The following NRXN1 variants were observed in gnomAD, a reference collection of about 807,000 sequenced individuals.
NRXN1 encodes neurexin 1.
Under a neutral mutation model 150.9 loss-of-function variants are expected in NRXN1, and 39 were observed. The ratio of observed to expected loss-of-function variants is 0.26; its 90% CI spans 0.20 to 0.34. The LOEUF is 0.34. NRXN1 is among the 10% of genes least tolerant of loss of function. NRXN1 has a pLI of 1.00. For missense variants in NRXN1, 1,815 were observed against 1,949.9 expected, an observed-to-expected ratio of 0.93 and a Z score of 1.30; for synonymous variants, 924 against 757.0, an observed-to-expected ratio of 1.22 and a Z score of -3.62.
chr2:50,516,527 G>C (rs2105085384), intron 12 of NRXN1, among the ~76,000 whole-genome samples: 1 of 152,212 alleles, frequency 6.6e-6, no homozygotes, highest in East Asian at 1.9e-4. Flanking sequence ...TGGTCTCTGG[G>C]GTATCAGAGA....
intron 5 of NRXN1, among the ~76,000 whole-genome samples, chr2:50,836,323 G>C (rs1197485846): frequency 6.6e-6 from 1 of 151,806 alleles, no homozygotes; most frequent in Non-Finnish European, 1.5e-5. Flanking sequence ...TTTTTTTGTG[G>C]TAAAAACATT....
Position 51,025,660 on chromosome 2 carries a change from T to C in NRXN1, c.772+1842A>G, listed in dbSNP as rs952692358. The stretch of plus-strand genomic sequence containing the variant: ...AAAATAATGTTCATTTTAAAATTTG[T>C]TTCTATTAATCAGTGCAAAAGTATG... On this transcript the variant is annotated intron_variant, in intron 2 of 22. Transcript: ENST00000401669. Among the ~76,000 whole-genome samples, 11 of 152,308 alleles carry C rather than the reference T, an allele frequency of 7.2e-5. No homozygotes were observed. In the South Asian group the frequency reaches 2.1e-3, roughly 29 times the overall value.
At chr2:50,999,025 T>C (rs1699694708) in intron 2 of NRXN1, among the ~76,000 whole-genome samples, 1 of 152,036 alleles carries the variant, frequency 6.6e-6, no homozygotes, top group South Asian at 2.1e-4. Flanking sequence ...ATACTTCGTA[T>C]CTTGTTAAAG....
chr2:50,765,486 T>A (rs1702278551), intron 5 of NRXN1, among the ~76,000 whole-genome samples: 1 of 152,032 alleles, frequency 6.6e-6, no homozygotes, highest in African/African-American at 2.4e-5. Flanking sequence ...CCAGGTAAAG[T>A]GGTGGTGGAG....
intron 9 of NRXN1, among the ~76,000 whole-genome samples, chr2:50,541,401 A>G (rs553715969): frequency 1.3e-5 from 2 of 151,976 alleles, no homozygotes; most frequent in Non-Finnish European, 2.9e-5. Flanking sequence ...CTGTGTCTGC[A>G]CTCACTCTAA....
chr2:50,851,315 A>G (rs1338636625), intron 5 of NRXN1, among the ~76,000 whole-genome samples: 3 of 152,200 alleles, frequency 2.0e-5, no homozygotes, highest in Admixed American at 6.5e-5. Flanking sequence ...CAAGGTAAAC[A>G]GAGAAATGAG....
intron 8 of NRXN1, among the ~76,000 whole-genome samples, chr2:50,600,072 A>C (rs1380867768): frequency 6.6e-6 from 1 of 152,142 alleles, no homozygotes; most frequent in Non-Finnish European, 1.5e-5. Flanking sequence ...GATGTGTCTG[A>C]CTAGCCAAAA....
intron 21 of NRXN1, among the ~76,000 whole-genome samples, chr2:49,957,027 A>G (rs1675096003): frequency 6.6e-6 from 1 of 152,106 alleles, no homozygotes; most frequent in South Asian, 2.1e-4. Context: ...ATGCTAAGTG[A>G]CCAGGCATCC....
rs1201434438 is a variant in NRXN1, at chr2:50,532,426, GA to G, written c.2144-997del. Among the ~76,000 whole-genome samples, 6 of 151,632 alleles carry G rather than the reference GA, an allele frequency of 4.0e-5. No individual in the cohort carries two copies. In the East Asian group the frequency reaches 1.2e-3, roughly 29 times the overall value. ...CTTTACCAAAGGTGATGTTCAAAAA[GA>G]AAAAAGAAAAACTGATATTACCAAA... is the stretch of plus-strand genomic sequence containing the variant. On this transcript the variant is annotated intron_variant, in intron 10 of 22. Transcript: ENST00000401669.
intron 17 of NRXN1, among the ~76,000 whole-genome samples, chr2:50,382,028 G>T (rs1023188709): frequency 6.6e-6 from 1 of 152,040 alleles, no homozygotes; most frequent in Non-Finnish European, 1.5e-5. Context: ...TTCTGAAGAG[G>T]GATTCTGCAA....
chr2:49,941,101 A>C (rs920035), intron 22 of NRXN1, among the ~76,000 whole-genome samples: 1 of 151,946 alleles, frequency 6.6e-6, no homozygotes, highest in East Asian at 2.0e-4. Context: ...GAACAAGTCC[A>C]TGCAGGCAGC....
chr2:50,876,826 A>G (rs1374723235), intron 5 of NRXN1, among the ~76,000 whole-genome samples: 4 of 151,712 alleles, frequency 2.6e-5, no homozygotes, highest in Non-Finnish European at 5.9e-5. Context: ...ATTCCCATCT[A>G]CCCCAAAATA....
intron 18 of NRXN1, among the ~76,000 whole-genome samples, chr2:50,187,101 T>A (rs1329412219): frequency 6.6e-6 from 1 of 152,014 alleles, no homozygotes; most frequent in African/African-American, 2.4e-5. Context: ...ATTCTATGTT[T>A]TAAAATCAGA....
intron 5 of NRXN1, among the ~76,000 whole-genome samples, chr2:50,657,258 A>G (rs1686624778): frequency 1.3e-5 from 2 of 151,986 alleles, no homozygotes; most frequent in African/African-American, 4.8e-5. Context: ...TTGGCATTTC[A>G]GTGGCTCCTT....
intron 5 of NRXN1, among the ~76,000 whole-genome samples, chr2:50,638,163 A>G (rs1173422155): frequency 1.3e-5 from 2 of 152,164 alleles, no homozygotes; most frequent in African/African-American, 4.8e-5. Context: ...CAAAACAGAG[A>G]TGATCATCAG....
intron 5 of NRXN1, among the ~76,000 whole-genome samples, chr2:50,835,027 GT>G (rs1328681420): frequency 1.3e-5 from 2 of 152,032 alleles, no homozygotes; most frequent in Non-Finnish European, 2.9e-5. Flanking sequence ...AATTACTATG[GT>G]TTTCCTTAGA....
At position 50,322,334 on chromosome 2, in the gene NRXN1, G is replaced by A. The variant is rs182830399; in HGVS notation, c.3365-85364C>T. Among the ~76,000 whole-genome samples the A allele has an allele frequency of 3.3e-5, 5 of 152,302 alleles. No individual in the cohort carries two copies. The East Asian group carries it at 9.6e-4, about 29-fold the overall frequency. Reference sequence around the variant, plus strand: ...TTGGAAGAGTGCTGTTGTGGGGTATGAGCAAGCTGGTTGCATTTAATAATC... The same window carrying A: ...TTGGAAGAGTGCTGTTGTGGGGTATAAGCAAGCTGGTTGCATTTAATAATC... On this transcript the variant is annotated intron_variant, in intron 17 of 22. Coordinates refer to ENST00000401669, the MANE Select transcript of NRXN1 (RefSeq NM_001330078.2).
chr2:50,894,665 T>C (rs1363023645), intron 5 of NRXN1, among the ~76,000 whole-genome samples: 1 of 152,120 alleles, frequency 6.6e-6, no homozygotes, highest in Non-Finnish European at 1.5e-5. Context: ...AGTGCTAATA[T>C]AATGGTGAGC....
intron 2 of NRXN1, among the ~76,000 whole-genome samples, chr2:51,001,704 C>T (rs1045467091): frequency 4.6e-5 from 7 of 152,080 alleles, no homozygotes; most frequent in African/African-American, 1.7e-4. Flanking sequence ...GCAACTGTCT[C>T]ATTTCATTCT....
Sources: gnomAD v4.1 joint callset for allele counts (sites outside exome capture counted in the v4.1 genomes callset) on GRCh38, gnomAD v4.1.1 for gene constraint, MANE v1.5 for transcripts, NCBI Gene and HGNC (gene_info 2026-07-23, HGNC 2026-07-21) for gene names.